DLG2: variants seen among roughly 807,000 people sequenced by gnomAD.
The protein encoded by DLG2 is discs large MAGUK scaffold protein 2.
A neutral mutation model predicts 132.5 loss-of-function variants in DLG2; 45 were observed. The observed-to-expected ratio is 0.34, with a 90% CI of 0.27 to 0.44. DLG2 has a LOEUF of 0.44. Ranked by LOEUF, DLG2 falls within the 20% of genes least tolerant of loss-of-function variation. The pLI is 1.00. For missense variants in DLG2, 1,045 were observed against 1,196.9 expected (o/e 0.87, Z 1.87); for synonymous variants, 424 against 419.6 (o/e 1.01, Z -0.13).
intron 18 of DLG2, among the ~76,000 whole-genome samples, chr11:83,719,495 T>C (rs1302655348): frequency 2.0e-5 from 3 of 152,198 alleles, no homozygotes; most frequent in African/African-American, 4.8e-5. Flanking sequence ...CATCTGCTTC[T>C]GGTGAAGGCC....
At chr11:85,166,173 G>A (rs927864110) in intron 4 of DLG2, among the ~76,000 whole-genome samples, 1 of 151,844 alleles carries the variant, frequency 6.6e-6, no homozygotes, top group Non-Finnish European at 1.5e-5. Flanking sequence ...TCTCCTATTT[G>A]CCACCCAATC....
At position 85,424,245 on chromosome 11, in the gene DLG2, G is replaced by T. The variant is rs557347800; in HGVS notation, c.41-138880C>A. Among the ~76,000 whole-genome samples, 20 of 152,248 alleles carry T rather than the reference G, an allele frequency of 1.3e-4. 1 individual carries two copies. The highest frequency in any genetic ancestry group is 4.1e-4 in the African/African-American group (17 of 41,544). ...CCCCCTTTCCCACTTTCACAATTTG[G>T]GCACTCACAGTATTTGGATGTCTCC... On this transcript the variant is annotated intron_variant, in intron 3 of 27. Transcript: ENST00000376104.
intron 7 of DLG2, among the ~76,000 whole-genome samples, chr11:84,502,160 T>C (rs10466720): frequency 2.4e-5 from 1 of 41,272 alleles, no homozygotes; most frequent in Non-Finnish European, 4.7e-5. Flanking sequence ...CTTCCTTCCT[T>C]TCTCTCTCTC....
intron 8 of DLG2, among the ~76,000 whole-genome samples, chr11:84,218,255 AGGAG>A (rs1229661388): frequency 7.1e-6 from 1 of 140,106 alleles, no homozygotes; most frequent in African/African-American, 2.6e-5. Context: ...GAAGGAAGGA[AGGAG>A]GGAGGGAGGG....
At chr11:83,964,505 C>A (rs1384758) in intron 13 of DLG2, among the ~76,000 whole-genome samples, 21,663 of 151,966 alleles carry the variant, frequency 0.14, 1,828 homozygotes, top group East Asian at 0.3. Context: ...ATGGCCAGTT[C>A]TGAAGACGTT....
At chr11:83,535,452 C>A (rs2095856997) in intron 20 of DLG2, among the ~76,000 whole-genome samples, 1 of 152,148 alleles carries the variant, frequency 6.6e-6, no homozygotes, top group South Asian at 2.1e-4. Flanking sequence ...CCCTGCCCTG[C>A]ACCCCAACCC....
chr11:85,580,554 T>C (rs570974689), intron 3 of DLG2, among the ~76,000 whole-genome samples: 2 of 152,338 alleles, frequency 1.3e-5, no homozygotes, highest in African/African-American at 4.8e-5. Flanking sequence ...CAGTGAGAAA[T>C]GCAATACACA....
chr11:85,274,022 A>G (rs548196575), intron 4 of DLG2, among the ~76,000 whole-genome samples: 26 of 152,214 alleles, frequency 1.7e-4, no homozygotes, highest in East Asian at 1.9e-4. Context: ...ACCAAACACC[A>G]CATGTTCTCA....
At chr11:84,967,998 C>T (rs1057253676) in intron 6 of DLG2, among the ~76,000 whole-genome samples, 2 of 151,908 alleles carry the variant, frequency 1.3e-5, no homozygotes, top group Non-Finnish European at 1.5e-5. Context: ...TAGAAATAAT[C>T]AAAGAAGCAA....
intron 8 of DLG2, among the ~76,000 whole-genome samples, chr11:84,196,303 C>T (rs2096515675): frequency 6.6e-6 from 1 of 152,104 alleles, no homozygotes; most frequent in Non-Finnish European, 1.5e-5. Context: ...GTCACAGGAA[C>T]TCAACAGACA....
chr11:85,387,442 A>G (rs1565415045), intron 3 of DLG2, among the ~76,000 whole-genome samples: 1 of 152,232 alleles, frequency 6.6e-6, no homozygotes, highest in Non-Finnish European at 1.5e-5. Flanking sequence ...ATTTAAATAC[A>G]AGCCTTACTA....
chr11:83,944,021 C>T (rs1248607688), intron 14 of DLG2, among the ~76,000 whole-genome samples: 3 of 152,184 alleles, frequency 2.0e-5, no homozygotes, highest in Non-Finnish European at 4.4e-5. Context: ...CAGGAAACAA[C>T]TATATTTATA....
chr11:83,734,441 T>G (rs1285659601), intron 18 of DLG2, among the ~76,000 whole-genome samples: 1 of 149,220 alleles, frequency 6.7e-6, no homozygotes, highest in Admixed American at 6.7e-5. Flanking sequence ...CCTTTCTCTC[T>G]CTGTCTCTCT....
chr11:85,379,303 C>CT (rs1346089838), intron 3 of DLG2, among the ~76,000 whole-genome samples: 1 of 152,160 alleles, frequency 6.6e-6, no homozygotes, highest in African/African-American at 2.4e-5. Context: ...TCCCTAACAG[C>CT]TGACTTTTAA....
At chr11:85,180,797 G>A (rs1266459901) in intron 4 of DLG2, among the ~76,000 whole-genome samples, 1 of 151,734 alleles carries the variant, frequency 6.6e-6, no homozygotes, top group Non-Finnish European at 1.5e-5. Context: ...ACTTGTCCAA[G>A]TTTACATAGA....
chr11:84,983,782 A>G (rs2056103062), intron 6 of DLG2, among the ~76,000 whole-genome samples: 1 of 152,216 alleles, frequency 6.6e-6, no homozygotes, highest in Non-Finnish European at 1.5e-5. Flanking sequence ...ATTCAGTGAA[A>G]TAGACAGCAT....
chr11:84,450,624 T>A (rs565408800), intron 7 of DLG2, among the ~76,000 whole-genome samples: 64 of 151,800 alleles, frequency 4.2e-4, no homozygotes, highest in Middle Eastern at 6.8e-3. Flanking sequence ...AGGGGGATGA[T>A]GGTAGAAATA....
At chr11:84,520,718 T>C (rs979758265) in intron 7 of DLG2, among the ~76,000 whole-genome samples, 5 of 152,136 alleles carry the variant, frequency 3.3e-5, no homozygotes, top group African/African-American at 7.2e-5. Flanking sequence ...ACTAGGGAAA[T>C]AGAAGTTGAG....
chr11:84,086,012 G>T (rs1278891643), intron 10 of DLG2, among the ~76,000 whole-genome samples: 1 of 152,128 alleles, frequency 6.6e-6, no homozygotes, highest in Non-Finnish European at 1.5e-5. Context: ...TGATGTTTTA[G>T]CAGCTGGAAT....
Sources: allele counts gnomAD v4.1 joint callset (sites outside exome capture counted in the v4.1 genomes callset), GRCh38; gene constraint gnomAD v4.1.1; transcripts MANE v1.5; gene names NCBI Gene and HGNC (gene_info 2026-07-23, HGNC 2026-07-21).